DLGAP2: variants seen among roughly 807,000 people sequenced by gnomAD.
DLGAP2 encodes DLG associated protein 2.
A neutral mutation model predicts 100.3 loss-of-function variants in DLGAP2; 26 were observed. That is an observed-to-expected ratio of 0.26 (90% CI 0.19 to 0.36). The LOEUF is 0.36. Ranked by LOEUF, DLGAP2 falls within the 10% of genes least tolerant of loss-of-function variation. The probability of loss-of-function intolerance (pLI) is 1.00; values close to 1 mark genes in which losing one functional copy is unlikely to be tolerated. For missense variants in DLGAP2, 1,858 were observed against 1,453.2 expected (o/e 1.28, Z -4.53); for synonymous variants, 886 against 630.1 (o/e 1.41, Z -6.08).
At chr8:1,660,544 T>C (rs529360333) in intron 8 of DLGAP2, among the ~76,000 whole-genome samples, 4 of 152,232 alleles carry the variant, frequency 2.6e-5, no homozygotes, top group Non-Finnish European at 4.4e-5. Flanking sequence ...ATGCGTCTGG[T>C]ATCTGCATAC....
intron 4 of DLGAP2, among the ~76,000 whole-genome samples, chr8:1,541,851 C>T (rs980186055): frequency 6.6e-6 from 1 of 152,230 alleles, no homozygotes; most frequent in African/African-American, 2.4e-5. Flanking sequence ...GAAGCGAGAA[C>T]AGAAACGTGT....
At chr8:769,392 C>A (rs1356828388) in intron 1 of DLGAP2, among the ~76,000 whole-genome samples, 1 of 151,884 alleles carries the variant, frequency 6.6e-6, no homozygotes, top group African/African-American at 2.4e-5. Context: ...TGCCCCATAA[C>A]AAGCAAAACG....
intron 3 of DLGAP2, among the ~76,000 whole-genome samples, chr8:1,268,944 C>T (rs117146835): frequency 0.012 from 1,816 of 152,268 alleles, 22 homozygotes; most frequent in South Asian, 0.057. Flanking sequence ...GTGGAACCCT[C>T]AGCTCTATCT....
At chr8:1,656,964 C>T (rs1798299467) in intron 8 of DLGAP2, among the ~76,000 whole-genome samples, 1 of 152,088 alleles carries the variant, frequency 6.6e-6, no homozygotes, top group African/African-American at 2.4e-5. Flanking sequence ...GGTATGTTTT[C>T]ATCTATTTCC....
Position 1,153,043 on chromosome 8 carries a change from T to C in DLGAP2, c.74-105808T>C, listed in dbSNP as rs144495604. The stretch of plus-strand genomic sequence containing the variant: ...CCTCCTTTACTCATGCTTAAGATTC[T>C]TTTAAAAGACAGGAAATGCTTTTAT... On this transcript the variant is annotated intron_variant, in intron 2 of 14. Coordinates refer to ENST00000637795, the MANE Select transcript of DLGAP2 (RefSeq NM_001346810.2). 3.0e-3 allele frequency among the ~76,000 whole-genome samples: 452 copies of C among 152,350 alleles called. 1 individual carries two copies. The highest frequency in any genetic ancestry group is 9.8e-3 in the African/African-American group (409 of 41,580).
rs192594186 is a variant in DLGAP2 at position 1,022,641 on chromosome 8, C to T, written c.73+114675C>T. Among the ~76,000 whole-genome samples the T allele has an allele frequency of 3.3e-3, 488 of 149,180 alleles. 3 individuals are homozygous for T. The highest frequency in any genetic ancestry group is 3.6e-3 in the Non-Finnish European group (240 of 67,376). Reference sequence around the variant, plus strand: ...TTAGGTAGATGCTCCAAACAGCACCCACCCTCCCTGGGAGTGGACGGTCCC... The same window carrying T: ...TTAGGTAGATGCTCCAAACAGCACCTACCCTCCCTGGGAGTGGACGGTCCC... On this transcript the variant is annotated intron_variant, in intron 2 of 14. Transcript: ENST00000637795.
At chr8:1,694,825 G>C (rs899093338) in intron 13 of DLGAP2, among the ~76,000 whole-genome samples, 6 of 152,162 alleles carry the variant, frequency 3.9e-5, no homozygotes, top group Non-Finnish European at 7.4e-5. Context: ...AGTTTGCTGG[G>C]GGAAAGGGAA....
chr8:1,378,829 C>A (rs780018526), intron 3 of DLGAP2, among the ~76,000 whole-genome samples: 11 of 152,220 alleles, frequency 7.2e-5, no homozygotes, highest in Non-Finnish European at 1.3e-4. Context: ...AATCCTGATT[C>A]TCTTCTCTGA....
chr8:1,682,870 A>G (rs532371118), intron 12 of DLGAP2, among the ~76,000 whole-genome samples: 20 of 151,076 alleles, frequency 1.3e-4, no homozygotes, highest in African/African-American at 4.8e-4. Context: ...ATTTTTGCTG[A>G]CTCCAAATTA....
At chr8:984,996 T>C (rs994026849) in intron 2 of DLGAP2, among the ~76,000 whole-genome samples, 4 of 152,196 alleles carry the variant, frequency 2.6e-5, no homozygotes, top group African/African-American at 7.2e-5. Context: ...ACAGAACAGA[T>C]GTGAAATGTC....
intron 8 of DLGAP2, among the ~76,000 whole-genome samples, chr8:1,663,469 C>A (rs1798466541): frequency 6.6e-6 from 1 of 152,096 alleles, no homozygotes; most frequent in Admixed American, 6.5e-5. Flanking sequence ...CCGCAGAGCA[C>A]CCTCAGACAG....
intron 1 of DLGAP2, among the ~76,000 whole-genome samples, chr8:843,792 T>C (rs1025496620): frequency 6.6e-6 from 1 of 152,234 alleles, no homozygotes; most frequent in Non-Finnish European, 1.5e-5. Flanking sequence ...AAAGAAAGCC[T>C]TAGACTTTCT....
intron 4 of DLGAP2, among the ~76,000 whole-genome samples, chr8:1,515,735 C>T (rs1391571756): frequency 7.1e-6 from 1 of 141,018 alleles, no homozygotes; most frequent in Non-Finnish European, 1.5e-5. Context: ...TAGGCACACT[C>T]ACACACTTGT....
Position 1,189,083 on chromosome 8 carries a change from G to A in DLGAP2, c.74-69768G>A, listed in dbSNP as rs113634673. Among the ~76,000 whole-genome samples the A allele has an allele frequency of 7.6e-4, 105 of 138,150 alleles. 2 individuals are homozygous for A. Among genetic ancestry groups the A allele is most frequent in the African/African-American group, 3.1e-3 (101 of 32,090 alleles). The allele number at this position is 138,150 out of a possible 152,430, so 90.6% of individuals were successfully genotyped here. A position where few individuals can be genotyped will look rare whatever the true frequency, so the allele number is the denominator to read the frequency against. ...TACACAGGGTTCGGGCCCCAGGCCG[G>A]TTCCGCGGTTGGGGTTGACCTTACA... On this transcript the variant is annotated intron_variant, in intron 2 of 14. Transcript: ENST00000637795.
At chr8:1,390,474 A>G (rs935305889) in intron 3 of DLGAP2, among the ~76,000 whole-genome samples, 6 of 152,198 alleles carry the variant, frequency 3.9e-5, no homozygotes, top group African/African-American at 1.4e-4. Context: ...AGGCCCACCT[A>G]CAAGCCCTTC....
At chr8:1,373,540 C>T (rs77861747) in intron 3 of DLGAP2, 11,736 of 152,242 alleles carry the variant, frequency 0.077, 646 homozygotes, top group East Asian at 0.28. Flanking sequence ...GTTCTCTTCA[C>T]CAGAGAATGG....
At chr8:1,284,359 G>A (rs1192762280) in intron 3 of DLGAP2, among the ~76,000 whole-genome samples, 1 of 152,146 alleles carries the variant, frequency 6.6e-6, no homozygotes, top group Non-Finnish European at 1.5e-5. Context: ...AATTGCTTCA[G>A]AGGAACCCAT....
intron 4 of DLGAP2, among the ~76,000 whole-genome samples, chr8:1,523,002 C>G (rs1040575859): frequency 6.6e-6 from 1 of 152,220 alleles, no homozygotes. Flanking sequence ...GCCACATAAA[C>G]TAAGGACCAG....
intron 3 of DLGAP2, among the ~76,000 whole-genome samples, chr8:1,273,872 TTTATGGACTTTAATATC>T: frequency 6.6e-6 from 1 of 152,166 alleles, no homozygotes; most frequent in Non-Finnish European, 1.5e-5. Flanking sequence ...TTAAATGAAA[TTTATGGACTTTAATATC>T]TTCATATATA....
Sources: allele counts gnomAD v4.1 joint callset (sites outside exome capture counted in the v4.1 genomes callset), GRCh38; gene constraint gnomAD v4.1.1; transcripts MANE v1.5; gene names NCBI Gene and HGNC (gene_info 2026-07-23, HGNC 2026-07-21).